PTBP2: variants seen among roughly 807,000 people sequenced by gnomAD.
PTBP2 encodes the protein polypyrimidine tract binding protein 2.
In PTBP2, 13 loss-of-function variants were observed where a neutral mutation model predicts 61.4. That is an observed-to-expected ratio of 0.21 (90% CI 0.14 to 0.34). The LOEUF is 0.34. PTBP2 is among the 10% of genes least tolerant of loss of function. PTBP2 has a pLI of 1.00. For synonymous variants in PTBP2, 215 were observed against 218.5 expected (o/e 0.98, Z 0.14); for missense variants, 405 against 642.6 (o/e 0.63, Z 4.00).
chr1:96,808,039 G>A (rs1360057022), intron 11 of PTBP2, among the ~76,000 whole-genome samples: 3 of 151,978 alleles, frequency 2.0e-5, no homozygotes, highest in Non-Finnish European at 4.4e-5. Flanking sequence ...TCTCAAATAT[G>A]TCATTTTTTT....
At chr1:96,776,456 TG>T (rs999929632) in intron 5 of PTBP2, among the ~76,000 whole-genome samples, 4 of 151,988 alleles carry the variant, frequency 2.6e-5, no homozygotes, top group Non-Finnish European at 4.4e-5. Flanking sequence ...TTTAAATGAT[TG>T]TTTAGATATA....
exon 14 of PTBP2, chr1:96,820,987 A>G (rs1324171373): frequency 6.6e-6 from 1 of 152,224 alleles, no homozygotes; most frequent in Non-Finnish European, 1.5e-5. Context: ...CAAAATAAGG[A>G]CATCAGGGAA....
intron 8 of PTBP2, among the ~76,000 whole-genome samples, chr1:96,795,872 C>A (rs1660326392): frequency 6.6e-6 from 1 of 152,066 alleles, no homozygotes. Context: ...TCTCAGGTTC[C>A]ATGTTTGTAA....
intron 2 of PTBP2, among the ~76,000 whole-genome samples, chr1:96,727,211 C>T (rs1284319835): frequency 6.6e-6 from 1 of 152,078 alleles, no homozygotes; most frequent in South Asian, 2.1e-4. Context: ...TGAAATTCAC[C>T]CATGTTGTCT....
At chr1:96,762,387 G>A (rs1487945595) in intron 3 of PTBP2, among the ~76,000 whole-genome samples, 1 of 150,082 alleles carries the variant, frequency 6.7e-6, no homozygotes, top group Non-Finnish European at 1.5e-5. Flanking sequence ...CGGCTGGCCG[G>A]GCGGGGGGCT....
intron 7 of PTBP2, among the ~76,000 whole-genome samples, chr1:96,780,340 ACTTT>A (rs1243219993): frequency 3.3e-5 from 5 of 151,816 alleles, no homozygotes; most frequent in Admixed American, 6.6e-5. Context: ...AACTCTACGT[ACTTT>A]CTATCACCCT....
In PTBP2 at chr1:96,823,405, C is replaced by G. The variant is rs556086956; in HGVS notation, c.*10000C>G. 5 of 152,254 alleles carry G rather than the reference C, an allele frequency of 3.3e-5. No individual in the cohort carries two copies. In the South Asian group the frequency reaches 6.2e-4, roughly 19 times the overall value. The allele number at this position is 152,254 out of a possible 1,614,324, so 9.4% of individuals were successfully genotyped here. A position where few individuals can be genotyped will look rare whatever the true frequency, so the allele number is the denominator to read the frequency against. Reference sequence around the variant, plus strand: ...GAGAATTTTGAGAATCACTAAGATACAATTTTAAGTTTTGACATGTAAATT... The same window carrying G: ...GAGAATTTTGAGAATCACTAAGATAGAATTTTAAGTTTTGACATGTAAATT... On this transcript the variant is annotated 3_prime_UTR_variant, in exon 14 of 14. Transcript: ENST00000609116.
chr1:96,770,249 A>G (rs1348397219), intron 4 of PTBP2, among the ~76,000 whole-genome samples: 3 of 152,052 alleles, frequency 2.0e-5, no homozygotes, highest in Middle Eastern at 3.2e-3. Context: ...AAAATGTTAA[A>G]TGATACCATT....
intron 3 of PTBP2, among the ~76,000 whole-genome samples, chr1:96,761,274 GC>G (rs1384432257): frequency 6.6e-6 from 1 of 151,464 alleles, no homozygotes; most frequent in Non-Finnish European, 1.5e-5. Flanking sequence ...GTTGTGTCTT[GC>G]TGTAATGAGA....
In PTBP2 at chr1:96,769,881, C is replaced by T. The variant is rs777866923; in HGVS notation, c.288+6C>T. ...TGCTGAAAGGAAAAAATCAGGTACA[C>T]TTCTTTCAGGGTTTATGAAATGTTA... On this transcript the variant is annotated splice_donor_region_variant and intron_variant, in intron 4 of 13. Transcript: ENST00000674951. The T allele has an allele frequency of 1.9e-6, 3 of 1,578,194 alleles. No homozygotes were observed. The highest frequency in any genetic ancestry group is 2.4e-5 in the South Asian group (2 of 84,582).
chr1:96,796,224 A>T lies in PTBP2; in HGVS notation c.905-8576A>T, dbSNP rs1400594314. 4.6e-5 allele frequency among the ~76,000 whole-genome samples: 7 copies of T among 151,798 alleles called. No homozygotes were observed. The South Asian group carries it at 8.3e-4, about 18-fold the overall frequency. ...TCCCAGCACTTGGGAAGGCTGAGGC[A>T]GAAGAACTGCTTGAGGCCAACATTT... On this transcript the variant is annotated intron_variant, in intron 8 of 13. Transcript: ENST00000674951.
chr1:96,731,872 T>C (rs1445167488), intron 2 of PTBP2, among the ~76,000 whole-genome samples: 2 of 152,168 alleles, frequency 1.3e-5, no homozygotes, highest in East Asian at 1.9e-4. Flanking sequence ...ATTTTGCCAA[T>C]GTGAAATCCT....
At chr1:96,781,424 C>T (rs773924579) in intron 7 of PTBP2, among the ~76,000 whole-genome samples, 9 of 151,634 alleles carry the variant, frequency 5.9e-5, no homozygotes, top group Non-Finnish European at 1.2e-4. Flanking sequence ...CTCAGCTTGC[C>T]TCTCCATTCT....
chr1:96,772,369 A>G (rs1380911405), intron 5 of PTBP2, among the ~76,000 whole-genome samples: 1 of 152,212 alleles, frequency 6.6e-6, no homozygotes, highest in Non-Finnish European at 1.5e-5. Flanking sequence ...ACTCATTAGC[A>G]TACAAAATAT....
chr1:96,754,048 G>A (rs565507508), intron 3 of PTBP2, among the ~76,000 whole-genome samples: 1 of 152,200 alleles, frequency 6.6e-6, no homozygotes, highest in Admixed American at 6.5e-5. Context: ...ACATTCCTAA[G>A]AAGCTCAGGT....
At chr1:96,745,324 G>A (rs528344116) in intron 2 of PTBP2, among the ~76,000 whole-genome samples, 35 of 151,830 alleles carry the variant, frequency 2.3e-4, no homozygotes, top group Non-Finnish European at 4.1e-4. Context: ...CACCACACCC[G>A]GCTAATTTTT....
chr1:96,731,068 AAT>A (rs1447949735), intron 2 of PTBP2, among the ~76,000 whole-genome samples: 1 of 151,936 alleles, frequency 6.6e-6, no homozygotes, highest in African/African-American at 2.4e-5. Context: ...ATTCTTTGTT[AAT>A]GACAATGGAG....
intron 7 of PTBP2, among the ~76,000 whole-genome samples, chr1:96,781,453 C>G (rs1039208886): frequency 6.6e-6 from 1 of 151,948 alleles, no homozygotes; most frequent in Admixed American, 6.6e-5. Flanking sequence ...GCCTTTTTAG[C>G]TATATTGGAC....
intron 8 of PTBP2, among the ~76,000 whole-genome samples, chr1:96,793,086 T>G (rs1660018034): frequency 6.6e-6 from 1 of 152,196 alleles, no homozygotes; most frequent in African/African-American, 2.4e-5. Context: ...TCAGAAATAC[T>G]TGGTTAGAGG....
Sources: gnomAD v4.1 joint callset for allele counts (sites outside exome capture counted in the v4.1 genomes callset) on GRCh38, gnomAD v4.1.1 for gene constraint, MANE v1.5 for transcripts, NCBI Gene and HGNC (gene_info 2026-07-23, HGNC 2026-07-21) for gene names.